TSPAN19: variants seen among roughly 807,000 people sequenced by gnomAD.
TSPAN19 encodes tetraspanin-19.
In TSPAN19, 44 loss-of-function variants were observed where a neutral mutation model predicts 35.1. That is an observed-to-expected ratio of 1.25 (90% confidence interval 0.98 to 1.61). The LOEUF is 1.61. Ranked by LOEUF, TSPAN19 falls within the 40% of genes most tolerant of loss-of-function variation. The pLI is 0.00. For synonymous variants in TSPAN19, 79 were observed against 92.0 expected, an observed-to-expected ratio of 0.86 and a Z score of 0.81; for missense variants, 290 against 280.0, an observed-to-expected ratio of 1.04 and a Z score of -0.26.
At chr12:85,027,419 T>G (rs1229564279) in intron 4 of TSPAN19, among the ~76,000 whole-genome samples, 1 of 152,158 alleles carries the variant, frequency 6.6e-6, no homozygotes, top group African/African-American at 2.4e-5. Flanking sequence ...AACTTGCACA[T>G]GTACCCTGAA....
chr12:85,034,909 T>G (rs1877876188), intron 1 of TSPAN19, among the ~76,000 whole-genome samples: 1 of 152,180 alleles, frequency 6.6e-6, no homozygotes, highest in East Asian at 1.9e-4. Flanking sequence ...AAGTAAGCTT[T>G]GAGAAGGAAA....
chr12:85,020,942 T>A lies in TSPAN19; in HGVS notation c.340-1206A>T, dbSNP rs1877089217. ...TCTCAGCCAAGAGCCTTGTGATGAA[T>A]GAGATATAACTTTTTCTCTCCAATA... is the stretch of plus-strand genomic sequence containing the variant. On this transcript the variant is annotated intron_variant, in intron 5 of 8. Transcript: ENST00000532498. Among the ~76,000 whole-genome samples the A allele has an allele frequency of 2.6e-5, 4 of 152,070 alleles. No homozygotes were observed. The South Asian group carries it at 6.2e-4, about 24-fold the overall frequency.
chr12:85,023,934 C>A, intron 4 of TSPAN19, among the ~76,000 whole-genome samples: 1 of 151,462 alleles, frequency 6.6e-6, no homozygotes, highest in East Asian at 1.9e-4. Context: ...TTTTAAATGG[C>A]CAATTTAGTC....
In TSPAN19 at chr12:85,029,940, T is replaced by A. The variant is rs759631582; in HGVS notation, c.7A>T (p.Arg3Ter). The part of the protein sequence containing the change: ML[R>*]NNKTIIIKYF... ...TTAATAATTATTGTTTTGTTATTTC[T>A]TAACATTCTTTTTCTTCCAAGATAT... The change falls in exon 2 of 9, where the codon AGA becomes TGA. Residue 3 changes from arginine to a stop codon, truncating the protein, a stop_gained. Transcript: ENST00000532498. LOFTEE classifies it high-confidence loss of function. 5 of 1,449,332 alleles carry A rather than the reference T, an allele frequency of 3.4e-6. No homozygotes were observed. Among genetic ancestry groups the A allele is most frequent in the Non-Finnish European group, 3.7e-6 (4 of 1,075,624 alleles). The allele number at this position is 1,449,332 out of a possible 1,614,324, so 89.8% of individuals were successfully genotyped here. A position where few individuals can be genotyped will look rare whatever the true frequency, so the allele number is the denominator to read the frequency against.
intron 3 of TSPAN19, 107 bp downstream of exon 3, chr12:85,029,612 T>G (rs1157735107): frequency 1.1e-6 from 1 of 916,398 alleles, no homozygotes; most frequent in Non-Finnish European, 1.6e-6. Context: ...TGCTGGACAC[T>G]TAATAAATTA....
intron 5 of TSPAN19, among the ~76,000 whole-genome samples, chr12:85,022,519 G>T (rs1286961073): frequency 4.1e-4 from 62 of 152,212 alleles, no homozygotes; most frequent in Admixed American, 4.0e-3. Context: ...TTGATAAATT[G>T]TCAGTTAATG....
intron 8 of TSPAN19, 119 bp from the exon 9 acceptor site, chr12:85,014,674 G>A (rs1378385922): frequency 1.4e-6 from 1 of 691,888 alleles, no homozygotes; most frequent in Non-Finnish European, 2.4e-6. Flanking sequence ...ATCAAAACTG[G>A]TGAGAAAATT....
intron 5 of TSPAN19, 43 bp from the exon 6 acceptor site, chr12:85,019,779 A>C (rs375579249): frequency 8.9e-7 from 1 of 1,121,352 alleles, no homozygotes; most frequent in Non-Finnish European, 1.3e-6. Flanking sequence ...ATAGGAATGT[A>C]TCCATAAAAA....
intron 1 of TSPAN19, 118 bp from the exon 2 acceptor site, chr12:85,030,091 T>TG: frequency 2.5e-6 from 2 of 784,460 alleles, no homozygotes; most frequent in South Asian, 3.0e-5. Flanking sequence ...TATAACATAC[T>TG]TCCATCTCTA....
intron 3 of TSPAN19, among the ~76,000 whole-genome samples, chr12:85,028,612 ATAAAT>A (rs1447430321): frequency 6.6e-6 from 1 of 152,196 alleles, no homozygotes; most frequent in East Asian, 1.9e-4. Context: ...GGACGGATAA[ATAAAT>A]TAAACATGTG....
Position 85,017,541 on chromosome 12 carries a change from T to C in TSPAN19, c.509A>G (p.Asn170Ser), listed in dbSNP as rs1281283432. The change falls in exon 7 of 9, where the codon AAT (asparagine) becomes AGT (serine). Residue 170 changes from asparagine to serine, a missense_variant. Asn to Ser is a conservative substitution (Grantham distance 46, BLOSUM62 1). Transcript: ENST00000532498. The part of the protein sequence containing the change: ...TDWIKNKNKE[N>S]SGQVPCSCTK... ...GCAAGAACATGGCACCTGTCCTGAA[T>C]TTTCTTTGTTCTTATTCTTTATCCA... The C allele has an allele frequency of 6.3e-7, 1 of 1,599,178 alleles. No individual in the cohort carries two copies. Among genetic ancestry groups the C allele is most frequent in the Non-Finnish European group, 8.5e-7 (1 of 1,171,658 alleles).
intron 7 of TSPAN19, 148 bp downstream of exon 7, chr12:85,017,308 G>C: frequency 1.5e-6 from 1 of 650,796 alleles, no homozygotes; most frequent in Non-Finnish European, 2.6e-6. Context: ...ACCTAATTAC[G>C]TGTTCAACTT....
chr12:85,030,019 T>C (rs1877611452), intron 1 of TSPAN19, 46 bp from the exon 2 acceptor site: 1 of 1,282,572 alleles, frequency 7.8e-7, no homozygotes, highest in Non-Finnish European at 1.0e-6. Context: ...ACAACAACTT[T>C]AAATATTTCT....
intron 4 of TSPAN19, among the ~76,000 whole-genome samples, 163 bp from the exon 5 acceptor site, chr12:85,023,563 T>A (rs146800105): frequency 2.6e-5 from 4 of 152,086 alleles, no homozygotes; most frequent in African/African-American, 9.7e-5. Flanking sequence ...ATTAGTGAAA[T>A]AGCAAGGCAA....
chr12:85,027,835 T>G, intron 4 of TSPAN19, 64 bp downstream of exon 4: 1 of 1,448,474 alleles, frequency 6.9e-7, no homozygotes, highest in South Asian at 1.3e-5. Flanking sequence ...CAGTATTCAT[T>G]TGTGTAACTT....
At chr12:85,035,273 A>C (rs909893948) in intron 1 of TSPAN19, 4 of 152,124 alleles carry the variant, frequency 2.6e-5, no homozygotes, top group African/African-American at 9.7e-5. Context: ...AAACAATAAA[A>C]AATAGATAAT....
At chr12:85,021,542 C>A (rs1877126753) in intron 5 of TSPAN19, among the ~76,000 whole-genome samples, 1 of 151,882 alleles carries the variant, frequency 6.6e-6, no homozygotes, top group African/African-American at 2.4e-5. Flanking sequence ...TTGGGAGATC[C>A]AGAATGCATA....
chr12:85,027,117 T>C (rs1877454659), intron 4 of TSPAN19, among the ~76,000 whole-genome samples: 2 of 152,140 alleles, frequency 1.3e-5, no homozygotes, highest in African/African-American at 2.4e-5. Context: ...AAGTCAGTAC[T>C]CTGGAATATA....
At chr12:85,021,436 CTGT>C (rs1199672884) in intron 5 of TSPAN19, among the ~76,000 whole-genome samples, 1 of 151,936 alleles carries the variant, frequency 6.6e-6, no homozygotes, top group Non-Finnish European at 1.5e-5. Context: ...ACTTTATACT[CTGT>C]TCATTTTTAT....
Sources: allele counts gnomAD v4.1 joint callset (sites outside exome capture counted in the v4.1 genomes callset), GRCh38; gene constraint gnomAD v4.1.1; transcripts MANE v1.5; gene names NCBI Gene and HGNC (gene_info 2026-07-23, HGNC 2026-07-21).